The following CYP2A13 variants were observed in gnomAD, a reference collection of about 807,000 sequenced individuals.
CYP2A13 encodes cytochrome P450 2A13.
In CYP2A13, 30 loss-of-function variants were observed where a neutral mutation model predicts 39.4. The ratio of observed to expected loss-of-function variants is 0.76; its 90% CI spans 0.57 to 1.03. The LOEUF (loss-of-function observed/expected upper bound fraction) is 1.03, where lower values mean the gene tolerates loss of function less well. Among genes scored for constraint, CYP2A13 ranks in the 50% least tolerant of loss-of-function variants. The pLI, the probability that CYP2A13 is intolerant of heterozygous loss-of-function variation, is 0.00. For missense variants in CYP2A13, 731 were observed against 648.4 expected (o/e 1.13, Z -1.38); for synonymous variants, 269 against 254.7 (o/e 1.06, Z -0.54).
Position 41,095,905 on chromosome 19 carries a change from C to T in CYP2A13, c.1449C>T (p.Ile483=). Residue 483 remains isoleucine (I), a synonymous_variant, in exon 9 of 9, where the codon ATC becomes ATT. Coordinates refer to ENST00000330436, the MANE Select transcript of CYP2A13 (RefSeq NM_000766.5). ...VSPKHVGFAT[I]PRNYTMSFLP... is the part of the protein sequence containing the mutation. ...CCAAACACGTGGGCTTTGCCACGAT[C>T]CCACGAAACTACACCATGAGCTTCC... 1.2e-6 allele frequency: 2 copies of T among 1,613,980 alleles called. No homozygotes were observed. The highest frequency in any genetic ancestry group is 1.7e-6 in the Non-Finnish European group (2 of 1,179,912).
In CYP2A13 at chr19:41,088,607, T is replaced by C; in HGVS notation, c.136T>C (p.Tyr46His). The C allele has an allele frequency of 6.2e-7, 1 of 1,614,012 alleles. No individual in the cohort carries two copies. ...GPTPLPFIGN[Y>H]LQLNTEQMYN... ...CACCCCATTGCCCTTCATTGGAAAC[T>C]ACCTGCAGCTGAACACAGAGCAGAT... is the stretch of plus-strand genomic sequence containing the variant. The change falls in exon 1 of 9, where the codon TAC becomes CAC. Residue 46 changes from tyrosine to histidine, a missense_variant. Coordinates refer to ENST00000330436, the MANE Select transcript of CYP2A13 (RefSeq NM_000766.5).
At chr19:41,093,289 G>C (rs1178110624) in intron 5 of CYP2A13, among the ~76,000 whole-genome samples, 4 of 152,138 alleles carry the variant, frequency 2.6e-5, no homozygotes, top group Non-Finnish European at 5.9e-5. Flanking sequence ...AGCTACTCAG[G>C]AGGCTGAGGC....
At position 41,095,824 on chromosome 19, in the gene CYP2A13, C is replaced by T; in HGVS notation, c.1368C>T (p.Ile456=). The change falls in exon 9 of 9, where the codon ATC becomes ATT. Residue 456 remains isoleucine (I), a synonymous_variant. Transcript: ENST00000330436. ...AGCTCTTTCTCTTCTTCACCACCATCATGCAGAACTTTCGCTTCAAGTCCC... is the reference window on the plus strand; with the variant it reads ...AGCTCTTTCTCTTCTTCACCACCATTATGCAGAACTTTCGCTTCAAGTCCC... ...RMELFLFFTT[I]MQNFRFKSPQ... 4 of 1,614,162 alleles carry T rather than the reference C, an allele frequency of 2.5e-6. No homozygotes were observed. Among genetic ancestry groups the T allele is most frequent in the Non-Finnish European group, 3.4e-6 (4 of 1,180,008 alleles).
intron 5 of CYP2A13, among the ~76,000 whole-genome samples, chr19:41,093,418 A>G (rs17713907): frequency 0.071 from 10,821 of 151,960 alleles, 500 homozygotes; most frequent in Admixed American, 0.15. Context: ...AGGATAGATG[A>G]TCAGTGAGGT....
Position 41,091,751 on chromosome 19 carries a change from C to T in CYP2A13, c.674C>T (p.Ser225Leu), listed in dbSNP as rs745670637. The T allele has an allele frequency of 1.4e-5, 23 of 1,613,952 alleles. No individual in the cohort carries two copies. The highest frequency in any genetic ancestry group is 7.7e-5 in the South Asian group (7 of 91,070). The change falls in exon 5 of 9, where the codon TCG becomes TTG. Residue 225 changes from serine (S) to leucine (L), a missense_variant. Physicochemically the swap from Ser to Leu is moderately radical, Grantham distance 145. Transcript: ENST00000330436. Reference protein sequence around the residue: ...STGQLYEMFSSVMKHLPGPQQ... With the variant: ...STGQLYEMFSLVMKHLPGPQQ... Reference sequence around the variant, plus strand: ...CCCCAGCTCTATGAGATGTTCTCTTCGGTGATGAAACACCTGCCAGGACCA... The same window carrying T: ...CCCCAGCTCTATGAGATGTTCTCTTTGGTGATGAAACACCTGCCAGGACCA...
At chr19:41,093,513 G>A in intron 5 of CYP2A13, 117 bp from the exon 6 acceptor site, 1 of 1,306,978 alleles carries the variant, frequency 7.7e-7, no homozygotes, top group East Asian at 2.4e-5. Flanking sequence ...GGCAAATCTA[G>A]GGTCCCTCTT....
At chr19:41,094,139 C>T (rs747750832) in intron 6 of CYP2A13, 106 bp from the exon 7 acceptor site, 58 of 1,507,998 alleles carry the variant, frequency 3.8e-5, no homozygotes, top group Non-Finnish European at 4.7e-5. Context: ...TGGTCTACCT[C>T]CGTGTCATAG....
chr19:41,088,874 G>T (rs1462707175), intron 1 of CYP2A13, 55 bp from the exon 2 acceptor site: 1 of 1,605,986 alleles, frequency 6.2e-7, no homozygotes. Flanking sequence ...CTCAGTGCTG[G>T]GCCCATTCAG....
rs749770851 is a variant in CYP2A13 at position 41,094,319 on chromosome 19, C to T, written c.1048C>T (p.Pro350Ser). Residue 350 changes from proline to serine, a missense_variant, in exon 7 of 9, where the codon CCC (proline) becomes TCC (serine). Coordinates refer to ENST00000330436, the MANE Select transcript of CYP2A13 (RefSeq NM_000766.5). ...CAAGTTTGAGGACCGGGCCAAGATG[C>T]CCTACACAGAGGCAGTGATCCACGA... ...QPKFEDRAKM[P>S]YTEAVIHEIQ... 10 of 1,614,104 alleles carry T rather than the reference C, an allele frequency of 6.2e-6. No individual in the cohort carries two copies. The highest frequency in any genetic ancestry group is 8.5e-6 in the Non-Finnish European group (10 of 1,180,006).
rs541517387 is a variant in CYP2A13 at position 41,090,741 on chromosome 19, AG to A, written c.654+178del. On this transcript the variant is annotated intron_variant, in intron 4 of 8. Transcript: ENST00000330436. ...AACCCAGGAGGGATGCCCAATACCC[AG>A]TCTCCAAGGACACCTGGATAGCTCA... is the stretch of plus-strand genomic sequence containing the variant. Among the ~76,000 whole-genome samples the A allele has an allele frequency of 5.2e-3, 786 of 152,120 alleles. 5 individuals are homozygous for A. The highest frequency in any genetic ancestry group is 0.01 in the Middle Eastern group (3 of 292).
At chr19:41,095,651 C>T in intron 8 of CYP2A13, 109 bp from the exon 9 acceptor site, 1 of 1,415,088 alleles carries the variant, frequency 7.1e-7, no homozygotes, top group Admixed American at 2.1e-5. Flanking sequence ...GTCTCTCAGG[C>T]CATAATATTC....
chr19:41,089,166 C>T, intron 2 of CYP2A13, 75 bp downstream of exon 2: 2 of 1,593,296 alleles, frequency 1.3e-6, no homozygotes, highest in Non-Finnish European at 1.7e-6. Flanking sequence ...TTCTCCCTGA[C>T]TCTCCTGCCC....
In CYP2A13 at chr19:41,094,335, T is replaced by C. The variant is rs1224364889; in HGVS notation, c.1064T>C (p.Val355Ala). The stretch of plus-strand genomic sequence containing the variant: ...GCCAAGATGCCCTACACAGAGGCAG[T>C]GATCCACGAGATCCAAAGATTTGGA... ...DRAKMPYTEA[V>A]IHEIQRFGDM... The change falls in exon 7 of 9, where the codon GTG becomes GCG. Residue 355 changes from valine (V) to alanine (A), a missense_variant. Val to Ala is a moderately conservative substitution (Grantham distance 64, BLOSUM62 0). Transcript: ENST00000330436. 4.3e-6 allele frequency: 7 copies of C among 1,614,024 alleles called. No individual in the cohort carries two copies. Among genetic ancestry groups the C allele is most frequent in the Non-Finnish European group, 5.1e-6 (6 of 1,180,018 alleles).
chr19:41,090,144 A>G lies in CYP2A13; in HGVS notation c.441A>G (p.Glu147=), dbSNP rs571383026. 1.2e-4 allele frequency: 188 copies of G among 1,604,192 alleles called. 3 individuals are homozygous for G. In the South Asian group the frequency reaches 1.3e-3, roughly 11 times the overall value. Residue 147 remains glutamate, a synonymous_variant, in exon 3 of 9, where the codon GAA becomes GAG. Transcript: ENST00000330436. ...GFGVGKRGIE[E]RIQEEAGFLI... is the part of the protein sequence containing the mutation. Reference sequence around the variant, plus strand: ...GCGTGGGCAAGCGCGGCATCGAGGAACGCATCCAGGAGGAGGCGGGCTTCC... The same window carrying G: ...GCGTGGGCAAGCGCGGCATCGAGGAGCGCATCCAGGAGGAGGCGGGCTTCC...
rs2031167279 is a variant in CYP2A13 at position 41,090,545 on chromosome 19, C to T, written c.635C>T (p.Thr212Met). ...ATGATGCTGGGAAGCTTCCAGTTCA[C>T]GGCAACCTCCACGGGGCAGGTAACT... ...LRMMLGSFQF[T>M]ATSTGQLYEM... The change falls in exon 4 of 9, where the codon ACG becomes ATG. Residue 212 changes from threonine to methionine, a missense_variant. Thr to Met is a moderately conservative substitution (Grantham distance 81, BLOSUM62 -1). Transcript: ENST00000330436. 1 of 1,614,110 alleles carries T rather than the reference C, an allele frequency of 6.2e-7. No homozygotes were observed. Among genetic ancestry groups the T allele is most frequent in the Admixed American group, 1.7e-5 (1 of 60,014 alleles).
rs1335305953 is a variant in CYP2A13 at position 41,095,084 on chromosome 19, T to C, written c.1287T>C (p.Phe429=). 6.2e-7 allele frequency: 1 copy of C among 1,614,184 alleles called. No individual in the cohort carries two copies. The highest frequency in any genetic ancestry group is 2.2e-5 in the East Asian group (1 of 44,884). The change falls in exon 8 of 9, where the codon TTT becomes TTC. Residue 429 remains phenylalanine, a synonymous_variant. Coordinates refer to ENST00000330436, the MANE Select transcript of CYP2A13 (RefSeq NM_000766.5). ...KKGQFKKSDA[F]VPFSIGKRYC... ...GGCAGTTTAAGAAGAGTGATGCTTT[T>C]GTGCCCTTTTCCATCGGTAAGAGAC...
In CYP2A13 at chr19:41,096,192, T is replaced by C; in HGVS notation, c.*251T>C. 1 of 590,172 alleles carries C rather than the reference T, an allele frequency of 1.7e-6. No individual in the cohort carries two copies. The allele number at this position is 590,172 out of a possible 1,614,324, so 36.6% of individuals were successfully genotyped here. A position where few individuals can be genotyped will look rare whatever the true frequency, so the allele number is the denominator to read the frequency against. On this transcript the variant is annotated 3_prime_UTR_variant, in exon 9 of 9. Coordinates refer to ENST00000330436, the MANE Select transcript of CYP2A13 (RefSeq NM_000766.5). ...AGTAATAATAGCAGCTCTTATTTCC[T>C]GAACAAGTACCTCCGTGTCAGCTTT...
In CYP2A13 at chr19:41,095,898, C is replaced by G. The variant is rs368131195; in HGVS notation, c.1442C>G (p.Ala481Gly). ...GTGTCCCCCAAACACGTGGGCTTTGCCACGATCCCACGAAACTACACCATG... is the reference window on the plus strand; with the variant it reads ...GTGTCCCCCAAACACGTGGGCTTTGGCACGATCCCACGAAACTACACCATG... ...IDVSPKHVGF[A>G]TIPRNYTMSF... Residue 481 changes from alanine to glycine, a missense_variant, in exon 9 of 9, where the codon GCC becomes GGC. Ala to Gly is a moderately conservative substitution (Grantham distance 60). Coordinates refer to ENST00000330436, the MANE Select transcript of CYP2A13 (RefSeq NM_000766.5). 1.5e-4 allele frequency: 237 copies of G among 1,613,858 alleles called. No homozygotes were observed. The highest frequency in any genetic ancestry group is 2.8e-4 in the Admixed American group (17 of 59,986).
intron 2 of CYP2A13, 75 bp from the exon 3 acceptor site, chr19:41,089,972 G>A (rs1370061883): frequency 1.7e-5 from 25 of 1,475,838 alleles, no homozygotes; most frequent in Non-Finnish European, 2.2e-5. Flanking sequence ...CACCCTTGGG[G>A]AGCCCCTTGG....
Sources: gnomAD v4.1 joint callset for allele counts (sites outside exome capture counted in the v4.1 genomes callset) on GRCh38, gnomAD v4.1.1 for gene constraint, MANE v1.5 for transcripts, NCBI Gene and HGNC (gene_info 2026-07-23, HGNC 2026-07-21) for gene names.